CLEC3A: variants seen among roughly 807,000 people sequenced by gnomAD.
CLEC3A encodes C-type (calcium dependent, carbohydrate-recognition domain) lectin, superfamily member 1 (cartilage-derived).
Under a neutral mutation model 20.4 loss-of-function variants are expected in CLEC3A, and 28 were observed. That is an observed-to-expected ratio of 1.37 (90% CI 1.02 to 1.88). The LOEUF (loss-of-function observed/expected upper bound fraction) is 1.88. Among genes scored for constraint, CLEC3A ranks in the 40% most tolerant of loss-of-function variants. The pLI is 0.00. For synonymous variants in CLEC3A, 110 were observed against 88.1 expected (o/e 1.25, Z -1.39); for missense variants, 357 against 240.4 (o/e 1.48, Z -3.21).
At chr16:78,024,123 T>G (rs1238855506) in intron 1 of CLEC3A, among the ~76,000 whole-genome samples, 1 of 152,194 alleles carries the variant, frequency 6.6e-6, no homozygotes, top group Admixed American at 6.5e-5. Context: ...GGTGAAAGAT[T>G]AAAATATTTC....
intron 1 of CLEC3A, 70 bp downstream of exon 1, chr16:78,022,811 T>G: frequency 6.5e-7 from 1 of 1,529,272 alleles, no homozygotes; most frequent in Non-Finnish European, 8.9e-7. Context: ...ACAATGTTAA[T>G]TTTCAAACTC....
At chr16:78,023,320 C>G (rs983368668) in intron 1 of CLEC3A, among the ~76,000 whole-genome samples, 9 of 152,066 alleles carry the variant, frequency 5.9e-5, no homozygotes, top group Non-Finnish European at 1.2e-4. Flanking sequence ...CATTGAATCT[C>G]TCCAACTTAA....
rs562116055 is a variant in CLEC3A at position 78,031,227 on chromosome 16, A to G, written c.*386A>G. ...AGATTTTCCCTTGGAAGTTTAGCGT[A>G]TGTTTGACTAACAAAAATTCCCTAC... is the stretch of plus-strand genomic sequence containing the variant. On this transcript the variant is annotated 3_prime_UTR_variant, in exon 3 of 3. Transcript: ENST00000299642. The G allele has an allele frequency of 1.2e-5, 2 of 172,290 alleles. No individual in the cohort carries two copies. The highest frequency in any genetic ancestry group is 1.8e-4 in the East Asian group (1 of 5,702). 10.7% of individuals were successfully genotyped at this position (172,290 alleles called of 1,614,324 possible).
At chr16:78,028,969 G>A (rs2030006234) in intron 2 of CLEC3A, 1 of 347,748 alleles carries the variant, frequency 2.9e-6, no homozygotes, top group Non-Finnish European at 5.6e-6. Flanking sequence ...GGCTTCCGGG[G>A]GAACAGAATT....
At chr16:78,027,848 G>C (rs2029971139) in intron 1 of CLEC3A, among the ~76,000 whole-genome samples, 1 of 152,128 alleles carries the variant, frequency 6.6e-6, no homozygotes, top group African/African-American at 2.4e-5. Context: ...TAGAGACAGG[G>C]TTTTGCTATG....
chr16:78,030,889 G>A lies in CLEC3A; in HGVS notation c.*48G>A, dbSNP rs548541450. ...AAGCAAGATTCATCATAACTTATAG[G>A]TTCATGATCTCTAAGATCAAGTAAA... On this transcript the variant is annotated 3_prime_UTR_variant, in exon 3 of 3. Transcript: ENST00000299642. 1 of 1,518,464 alleles carries A rather than the reference G, an allele frequency of 6.6e-7. No individual in the cohort carries two copies. Among genetic ancestry groups the A allele is most frequent in the Admixed American group, 2.2e-5 (1 of 45,394 alleles). The allele number at this position is 1,518,464 out of a possible 1,614,324, so 94.1% of individuals were successfully genotyped here. A position where few individuals can be genotyped will look rare whatever the true frequency, so the allele number is the denominator to read the frequency against.
chr16:78,028,219 T>C lies in CLEC3A; in HGVS notation c.199+29T>C, dbSNP rs757442188. The C allele has an allele frequency of 3.4e-6, 5 of 1,490,250 alleles. 1 individual carries two copies. The South Asian group carries it at 6.5e-5, about 19-fold the overall frequency. 92.3% of individuals were successfully genotyped at this position (1,490,250 alleles called of 1,614,324 possible). A position where few individuals can be genotyped will look rare whatever the true frequency, so the allele number is the denominator to read the frequency against. ...AGGTGCAGACCTTCTCAGTGCCTTGTCCCAAAGGAGACAGGAAAATTTCTG... is the reference window on the plus strand; with the variant it reads ...AGGTGCAGACCTTCTCAGTGCCTTGCCCCAAAGGAGACAGGAAAATTTCTG... On this transcript the variant is annotated intron_variant, in intron 2 of 2. Transcript: ENST00000299642.
At chr16:78,027,049 T>C (rs541617068) in intron 1 of CLEC3A, among the ~76,000 whole-genome samples, 1 of 152,196 alleles carries the variant, frequency 6.6e-6, no homozygotes, top group African/African-American at 2.4e-5. Flanking sequence ...CATTCTTCAG[T>C]GGGAATCCAA....
intron 1 of CLEC3A, among the ~76,000 whole-genome samples, chr16:78,024,271 G>A (rs930540146): frequency 9.2e-5 from 14 of 152,084 alleles, no homozygotes; most frequent in Non-Finnish European, 8.8e-5. Context: ...TGAGAGTGGC[G>A]ATCACCCAGT....
At chr16:78,023,778 GAC>G (rs1597150560) in intron 1 of CLEC3A, among the ~76,000 whole-genome samples, 3 of 142,128 alleles carry the variant, frequency 2.1e-5, no homozygotes, top group Admixed American at 1.4e-4. Context: ...TTTTTTCTGA[GAC>G]AGAGTCTCGC....
intron 2 of CLEC3A, chr16:78,029,136 G>A (rs1314759429): frequency 4.4e-6 from 2 of 455,802 alleles, no homozygotes; most frequent in Admixed American, 2.4e-5. Context: ...AGGAAAATGA[G>A]GCACAAAGAA....
chr16:78,027,669 T>G (rs4624192), intron 1 of CLEC3A, among the ~76,000 whole-genome samples: 39,736 of 151,964 alleles, frequency 0.26, 6,599 homozygotes, highest in Non-Finnish European at 0.36. Context: ...TGTTTGGTTT[T>G]TTTTCAGACA....
intron 1 of CLEC3A, among the ~76,000 whole-genome samples, chr16:78,026,153 T>G (rs2029911901): frequency 6.6e-6 from 1 of 152,144 alleles, no homozygotes; most frequent in African/African-American, 2.4e-5. Flanking sequence ...ATGGGATGCT[T>G]TGAGAACTGA....
chr16:78,029,023 T>C, intron 2 of CLEC3A: 1 of 422,010 alleles, frequency 2.4e-6, no homozygotes, highest in Non-Finnish European at 4.7e-6. Context: ...AAGGTGAGTT[T>C]GGTTCATCCT....
rs1000807323 is a variant in CLEC3A, at chr16:78,023,128, G to C, written c.115+387G>C. 2.6e-5 allele frequency among the ~76,000 whole-genome samples: 4 copies of C among 152,172 alleles called. 1 individual carries two copies. The highest frequency in any genetic ancestry group is 9.7e-5 in the African/African-American group (4 of 41,442). ...GCACACTGTTTCACTAGTAGATATT[G>C]AGTAACTCAATTCAGTTATATTTTA... On this transcript the variant is annotated intron_variant, in intron 1 of 2. Coordinates refer to ENST00000299642, the MANE Select transcript of CLEC3A (RefSeq NM_005752.6).
At chr16:78,027,798 G>A (rs899830952) in intron 1 of CLEC3A, among the ~76,000 whole-genome samples, 4 of 152,056 alleles carry the variant, frequency 2.6e-5, no homozygotes, top group Non-Finnish European at 5.9e-5. Flanking sequence ...TGGAATTACA[G>A]GCATTCAACA....
chr16:78,026,788 T>C (rs1026063085), intron 1 of CLEC3A, among the ~76,000 whole-genome samples: 1 of 152,236 alleles, frequency 6.6e-6, no homozygotes, highest in African/African-American at 2.4e-5. Flanking sequence ...CACTTACTTA[T>C]AGCCAAGATT....
intron 1 of CLEC3A, among the ~76,000 whole-genome samples, chr16:78,023,839 G>C (rs982062395): frequency 6.7e-6 from 1 of 149,858 alleles, no homozygotes; most frequent in Non-Finnish European, 1.5e-5. Flanking sequence ...CTCACTACAA[G>C]CTCCACCTCC....
intron 2 of CLEC3A, among the ~76,000 whole-genome samples, chr16:78,029,949 C>T (rs1238109023): frequency 3.9e-5 from 6 of 151,960 alleles, no homozygotes; most frequent in Admixed American, 2.0e-4. Flanking sequence ...GTCAGGAGAT[C>T]GAGACCATCC....
Sources: allele counts gnomAD v4.1 joint callset (sites outside exome capture counted in the v4.1 genomes callset), GRCh38; gene constraint gnomAD v4.1.1; transcripts MANE v1.5; gene names NCBI Gene and HGNC (gene_info 2026-07-23, HGNC 2026-07-21).